FRY: variants seen among roughly 807,000 people sequenced by gnomAD.
FRY encodes the protein protein furry homolog.
In FRY, 128 loss-of-function variants were observed where a neutral mutation model predicts 348.4. The observed-to-expected ratio is 0.37, with a 90% CI of 0.32 to 0.43. The LOEUF (loss-of-function observed/expected upper bound fraction) is 0.43. Among genes scored for constraint, FRY ranks in the 20% least tolerant of loss-of-function variants. The pLI is 1.00. For synonymous variants in FRY, 1,370 were observed against 1,374.7 expected (o/e 1.00, Z 0.08); for missense variants, 2,736 against 3,695.2 (o/e 0.74, Z 6.73).
At chr13:32,067,221 A>G (rs1006070937) in intron 1 of FRY, among the ~76,000 whole-genome samples, 1 of 152,222 alleles carries the variant, frequency 6.6e-6, no homozygotes, top group African/African-American at 2.4e-5. Flanking sequence ...CCTACGTATC[A>G]GAATCCTACC....
chr13:32,149,886 T>C (rs750860531), intron 14 of FRY, 52 bp downstream of exon 14: 1 of 1,124,686 alleles, frequency 8.9e-7, no homozygotes, highest in Admixed American at 1.7e-5. Flanking sequence ...TCCGGAGCCA[T>C]ACCTTTGCTT....
Position 32,202,059 on chromosome 13 carries a change from C to CA in FRY, c.3846+20dup. The CA allele has an allele frequency of 7.4e-7, 1 of 1,346,246 alleles. No homozygotes were observed. 83.4% of individuals were successfully genotyped at this position (1,346,246 alleles called of 1,614,324 possible). A position where few individuals can be genotyped will look rare whatever the true frequency, so the allele number is the denominator to read the frequency against. On this transcript the variant is annotated intron_variant, in intron 30 of 60. Transcript: ENST00000542859. ...CATGCAGGCACGTATCATTTACTGG[C>CA]ATAGAAAATATCCATCCTTGAGTAC...
chr13:32,100,709 A>C (rs966341310), intron 2 of FRY, among the ~76,000 whole-genome samples: 2 of 152,248 alleles, frequency 1.3e-5, no homozygotes, highest in African/African-American at 4.8e-5. Flanking sequence ...ACTATAAAAT[A>C]AATGGCTTAT....
intron 3 of FRY, among the ~76,000 whole-genome samples, chr13:32,111,303 C>A (rs1877940544): frequency 6.6e-6 from 1 of 151,644 alleles, no homozygotes; most frequent in Non-Finnish European, 1.5e-5. Flanking sequence ...GCCTGACCAA[C>A]ATGGTGAAAC....
intron 1 of FRY, among the ~76,000 whole-genome samples, chr13:32,048,993 G>T (rs1202602888): frequency 2.0e-5 from 3 of 152,144 alleles, no homozygotes; most frequent in Admixed American, 6.5e-5. Context: ...CCCAGCTCCT[G>T]CCTTCTCTGG....
Position 32,218,809 on chromosome 13 carries a change from A to G in FRY, c.4743A>G (p.Gly1581=). Residue 1581 remains glycine, a synonymous_variant, in exon 36 of 61, where the codon GGA becomes GGG. Transcript: ENST00000542859. Reference sequence around the variant, plus strand: ...AGTCAAGATACAGCAATAGCTCTGGAGGATCCTACGATGAAGATAAAAGTA... The same window carrying G: ...AGTCAAGATACAGCAATAGCTCTGGGGGATCCTACGATGAAGATAAAAGTA... ...RLESRYSNSS[G]GSYDEDKNDP... 1.2e-6 allele frequency: 2 copies of G among 1,601,990 alleles called. No individual in the cohort carries two copies.
chr13:32,107,778 G>A (rs376717318), intron 3 of FRY, among the ~76,000 whole-genome samples: 11 of 152,318 alleles, frequency 7.2e-5, no homozygotes, highest in African/African-American at 2.6e-4. Context: ...AGCCAGGGAG[G>A]CCTTCATGGA....
intron 58 of FRY, among the ~76,000 whole-genome samples, chr13:32,287,489 C>T (rs1889135722): frequency 6.6e-6 from 1 of 152,212 alleles, no homozygotes; most frequent in Non-Finnish European, 1.5e-5. Flanking sequence ...CTTCAAATAA[C>T]TAAGCTGGCT....
At chr13:32,232,545 G>T (rs567081444) in intron 41 of FRY, among the ~76,000 whole-genome samples, 1 of 152,308 alleles carries the variant, frequency 6.6e-6, no homozygotes, top group African/African-American at 2.4e-5. Flanking sequence ...GTGGCCTTCC[G>T]CTAGGTGCTT....
At chr13:32,159,492 C>T (rs1269807970) in intron 16 of FRY, among the ~76,000 whole-genome samples, 1 of 152,058 alleles carries the variant, frequency 6.6e-6, no homozygotes, top group African/African-American at 2.4e-5. Flanking sequence ...AAGAAAATAA[C>T]AAGTAAAGAA....
At chr13:32,248,555 T>G (rs144542719) in intron 48 of FRY, among the ~76,000 whole-genome samples, 1,972 of 152,208 alleles carry the variant, frequency 0.013, 28 homozygotes, top group Non-Finnish European at 0.022. Context: ...ATAAACCTGG[T>G]GTGCTTATAT....
chr13:32,241,021 C>G (rs1285039926), intron 46 of FRY, among the ~76,000 whole-genome samples: 1 of 152,172 alleles, frequency 6.6e-6, no homozygotes, highest in African/African-American at 2.4e-5. Context: ...GATTCACTTG[C>G]TATTTCCACA....
intron 1 of FRY, among the ~76,000 whole-genome samples, chr13:32,066,654 C>T (rs752317789): frequency 2.6e-5 from 4 of 152,092 alleles, no homozygotes; most frequent in Non-Finnish European, 1.5e-5. Flanking sequence ...CTTCATTAGT[C>T]TTCTCATGGT....
In FRY at chr13:32,201,957, A is replaced by G. The variant is rs765096928; in HGVS notation, c.3763A>G (p.Ile1255Val). ...VCGSRNYPFDIVTLLNLVLFK... is the reference protein window; with the variant it reads ...VCGSRNYPFDVVTLLNLVLFK... ...TGTTTTTAGGAACTATCCCTTCGACATAGTGACATTGTTAAACCTTGTTCT... is the reference window on the plus strand; with the variant it reads ...TGTTTTTAGGAACTATCCCTTCGACGTAGTGACATTGTTAAACCTTGTTCT... The change falls in exon 30 of 61, where the codon ATA (isoleucine) becomes GTA (valine). Residue 1255 changes from isoleucine (I) to valine (V), a missense_variant. By Grantham distance (29) the Ile-to-Val change is conservative. Coordinates refer to ENST00000542859, the MANE Select transcript of FRY (RefSeq NM_023037.3). The G allele has an allele frequency of 2.5e-6, 4 of 1,587,886 alleles. No homozygotes were observed. The highest frequency in any genetic ancestry group is 3.5e-6 in the Non-Finnish European group (4 of 1,156,382).
At chr13:32,074,470 A>G (rs552852446) in intron 1 of FRY, among the ~76,000 whole-genome samples, 28 of 152,260 alleles carry the variant, frequency 1.8e-4, no homozygotes, top group Middle Eastern at 3.4e-3. Context: ...AGCCCCCACC[A>G]CAGGAGCACT....
chr13:32,053,511 G>A (rs9533282), intron 1 of FRY, among the ~76,000 whole-genome samples: 3 of 152,188 alleles, frequency 2.0e-5, no homozygotes, highest in Admixed American at 6.5e-5. Flanking sequence ...CTTTGCAGAC[G>A]AACTGTCTCG....
Position 32,228,536 on chromosome 13 carries a change from A to G in FRY, c.5287A>G (p.Ile1763Val), listed in dbSNP as rs761524686. Residue 1763 changes from isoleucine to valine, a missense_variant, in exon 40 of 61, where the codon ATC becomes GTC. Physicochemically the swap from Ile to Val is conservative, Grantham distance 29. Around this residue, in one of 9 missense-constraint regions of FRY, gnomAD observed 794 missense variants for 977.0 expected, o/e 0.81. Coordinates refer to ENST00000542859, the MANE Select transcript of FRY (RefSeq NM_023037.3). ...TAGTTCAAGCTCCACCTCCTCTAGC[A>G]TCAGTCTGGGAGGCAGCAGTGGAAA... ...GLSSSSTSSS[I>V]SLGGSSGNLP... is the part of the protein sequence containing the mutation. The G allele has an allele frequency of 1.9e-6, 3 of 1,613,834 alleles. No individual in the cohort carries two copies. Among genetic ancestry groups the G allele is most frequent in the Non-Finnish European group, 2.5e-6 (3 of 1,179,826 alleles).
intron 14 of FRY, among the ~76,000 whole-genome samples, chr13:32,154,653 G>GT (rs1880996515): frequency 6.6e-6 from 1 of 152,158 alleles, no homozygotes; most frequent in Non-Finnish European, 1.5e-5. Context: ...TCAATACATT[G>GT]TAACTAAATT....
At chr13:32,263,653 A>G (rs970721749) in intron 53 of FRY, among the ~76,000 whole-genome samples, 11 of 152,248 alleles carry the variant, frequency 7.2e-5, no homozygotes, top group Non-Finnish European at 1.6e-4. Flanking sequence ...CTCAATGTCA[A>G]TATGGTCATT....
Sources: allele counts gnomAD v4.1 joint callset (sites outside exome capture counted in the v4.1 genomes callset), GRCh38; gene constraint gnomAD v4.1.1; regional missense constraint gnomAD v4.1.1; transcripts MANE v1.5; gene names NCBI Gene and HGNC (gene_info 2026-07-23, HGNC 2026-07-21).